Variants in KCNK9 observed in about 807,000 individuals in gnomAD.
KCNK9 encodes potassium two pore domain channel subfamily K member 9, also known as potassium channel subfamily K member 9.
A neutral mutation model predicts 10.8 loss-of-function variants in KCNK9; 1 was observed. The ratio of observed to expected loss-of-function variants is 0.09; its 90% CI spans 0.03 to 0.44. The LOEUF is 0.44. KCNK9 is among the 20% of genes least tolerant of loss of function. The pLI, the probability that KCNK9 is intolerant of heterozygous loss-of-function variation, is 0.97. For synonymous variants in KCNK9, 231 were observed against 222.7 expected (o/e 1.04, Z -0.33); for missense variants, 303 against 515.0 (o/e 0.59, Z 3.98).
chr8:139,650,925 G>A (rs544295246), intron 1 of KCNK9, among the ~76,000 whole-genome samples: 1 of 152,260 alleles, frequency 6.6e-6, no homozygotes, highest in South Asian at 2.1e-4. Flanking sequence ...ATGTGCCCGG[G>A]TGGCCTTCAG....
intron 1 of KCNK9, among the ~76,000 whole-genome samples, chr8:139,658,519 C>T (rs1816075081): frequency 1.3e-5 from 2 of 152,216 alleles, no homozygotes; most frequent in South Asian, 4.1e-4. Context: ...GTACCCTTTT[C>T]CTTTTCCGCA....
At chr8:139,631,761 T>C (rs1390662518) in intron 1 of KCNK9, among the ~76,000 whole-genome samples, 1 of 152,206 alleles carries the variant, frequency 6.6e-6, no homozygotes, top group African/African-American at 2.4e-5. Context: ...TTGAAAAGTC[T>C]ATGGTAGAAG....
chr8:139,670,856 G>T (rs7833765), intron 1 of KCNK9, among the ~76,000 whole-genome samples: 1 of 152,056 alleles, frequency 6.6e-6, no homozygotes, highest in Non-Finnish European at 1.5e-5. Flanking sequence ...TGGGTGGCCC[G>T]CCTCCCCAGC....
chr8:139,650,455 G>T (rs986696310), intron 1 of KCNK9, among the ~76,000 whole-genome samples: 1 of 150,956 alleles, frequency 6.6e-6, no homozygotes, highest in Non-Finnish European at 1.5e-5. Flanking sequence ...CTCAGGATGG[G>T]GGCAGGAGCT....
intron 1 of KCNK9, among the ~76,000 whole-genome samples, chr8:139,626,329 G>A (rs1814973514): frequency 6.6e-6 from 1 of 152,154 alleles, no homozygotes; most frequent in African/African-American, 2.4e-5. Flanking sequence ...ACAGAGCAGG[G>A]CCTTTACCTC....
At chr8:139,632,740 G>C (rs1454140593) in intron 1 of KCNK9, among the ~76,000 whole-genome samples, 1 of 152,202 alleles carries the variant, frequency 6.6e-6, no homozygotes, top group Non-Finnish European at 1.5e-5. Context: ...CCAGCTGTTA[G>C]GAGCCTGGGT....
rs1005545261 is a variant in KCNK9, at chr8:139,688,754, C to T, written c.283+13956G>A. 9.2e-5 allele frequency among the ~76,000 whole-genome samples: 14 copies of T among 152,274 alleles called. 1 individual carries two copies. The Middle Eastern group carries it at 0.01, about 111-fold the overall frequency. ...TGTTTGGACAACAAAGTCTTCTTGA[C>T]CATAGTAAGATAAACTCAGATTCAT... On this transcript the variant is annotated intron_variant, in intron 1 of 1. Transcript: ENST00000520439.
In KCNK9 at chr8:139,618,201, T is replaced by C. The variant is rs1814658696; in HGVS notation, c.*57A>G. The C allele has an allele frequency of 3.7e-6, 6 of 1,607,676 alleles. No homozygotes were observed. Among genetic ancestry groups the C allele is most frequent in the African/African-American group, 1.3e-5 (1 of 74,768 alleles). On this transcript the variant is annotated 3_prime_UTR_variant, in exon 2 of 2. Transcript: ENST00000520439. The surrounding 1 kb of genome is among the most constrained non-coding windows in gnomAD (Gnocchi z 7.9). ...AATAAGAAAAGACGAGTTGGACCAA[T>C]GGAAATTAACACCAACTATGACAAA... is the stretch of plus-strand genomic sequence containing the variant.
chr8:139,681,197 C>T (rs1005203404), intron 1 of KCNK9, among the ~76,000 whole-genome samples: 1 of 152,206 alleles, frequency 6.6e-6, no homozygotes, highest in African/African-American at 2.4e-5. Flanking sequence ...CATCATTCCA[C>T]CCATTTTACA....
rs112989154 is a variant in KCNK9 at position 139,693,396 on chromosome 8, G to T, written c.283+9314C>A. On this transcript the variant is annotated intron_variant, in intron 1 of 1. Transcript: ENST00000520439. The surrounding 1 kb of genome is among the most constrained non-coding windows in gnomAD (Gnocchi z 4.1). The stretch of plus-strand genomic sequence containing the variant: ...AGCAACAGCTTGAGTTCAAAAGGCT[G>T]CAGCCTGTCCTGCACCTACCCAGTG... Among the ~76,000 whole-genome samples the T allele has an allele frequency of 5.9e-3, 905 of 152,186 alleles. 3 individuals are homozygous for T. The highest frequency in any genetic ancestry group is 0.017 in the Middle Eastern group (5 of 294).
At position 139,618,723 on chromosome 8, in the gene KCNK9, G is replaced by A. The variant is rs111826894; in HGVS notation, c.660C>T (p.Tyr220=). The A allele has an allele frequency of 2.2e-5, 35 of 1,614,088 alleles. No individual in the cohort carries two copies. Among genetic ancestry groups the A allele is most frequent in the Middle Eastern group, 1.6e-4 (1 of 6,084 alleles). ...TKGALQKKPL[Y]VAFSFMYILV... ...GGATATACATAAAGCTAAAGGCCAC[G>A]TAGAGCGGCTTCTTCTGCAGGGCAC... Residue 220 remains tyrosine (Y), a synonymous_variant, in exon 2 of 2, where the codon TAC becomes TAT. Coordinates refer to ENST00000520439, the MANE Select transcript of KCNK9 (RefSeq NM_001282534.2). This position sits in a 1 kb window ranked among gnomAD's most constrained non-coding sequence, Gnocchi z 7.9.
chr8:139,688,841 T>C (rs936280375), intron 1 of KCNK9, among the ~76,000 whole-genome samples: 1 of 152,234 alleles, frequency 6.6e-6, no homozygotes, highest in Non-Finnish European at 1.5e-5. Flanking sequence ...GGCCCAGAAC[T>C]AGGTGCTTTC....
At chr8:139,619,150 G>C (rs755322298) in intron 1 of KCNK9, 51 bp from the exon 2 acceptor site, 2 of 1,606,308 alleles carry the variant, frequency 1.2e-6, no homozygotes, top group Non-Finnish European at 1.7e-6. Context: ...GAGGGGTCTA[G>C]AGGTTGGGGG....
chr8:139,687,686 A>C (rs1816849928), intron 1 of KCNK9, among the ~76,000 whole-genome samples: 1 of 140,418 alleles, frequency 7.1e-6, no homozygotes. Flanking sequence ...ATATATATTC[A>C]TATGTATACA....
chr8:139,702,920 C>T lies in KCNK9; in HGVS notation c.73G>A (p.Val25Met), dbSNP rs1389076513. Reference sequence around the variant, plus strand: ...TGGTCCGACTCGAGGGCGTCGAACACGGCGGCGCCCACCAGCAGGTAGGTG... The same window carrying T: ...TGGTCCGACTCGAGGGCGTCGAACATGGCGGCGCCCACCAGCAGGTAGGTG... ...TFTYLLVGAA[V>M]FDALESDHEM... The change falls in exon 1 of 2, where the codon GTG becomes ATG. Residue 25 changes from valine (V) to methionine (M), a missense_variant. This residue lies in a region of KCNK9 where 58 missense variants were observed against 102.4 expected (regional missense o/e 0.57). Transcript: ENST00000520439. This position sits in a 1 kb window ranked among gnomAD's most constrained non-coding sequence, Gnocchi z 7.5. The T allele has an allele frequency of 6.2e-7, 1 of 1,613,304 alleles. No homozygotes were observed. Among genetic ancestry groups the T allele is most frequent in the Admixed American group, 1.7e-5 (1 of 59,994 alleles).
chr8:139,636,189 T>C (rs890016524), intron 1 of KCNK9, among the ~76,000 whole-genome samples: 1 of 152,244 alleles, frequency 6.6e-6, no homozygotes, highest in Non-Finnish European at 1.5e-5. Context: ...CTTCTTCTCA[T>C]GTCATGCCCA....
intron 2 of KCNK9, among the ~76,000 whole-genome samples, chr8:139,606,417 T>C (rs1416036762): frequency 6.6e-6 from 1 of 151,924 alleles, no homozygotes; most frequent in Non-Finnish European, 1.5e-5. Flanking sequence ...AGATATCCGG[T>C]CAATGCACAT....
chr8:139,622,844 C>T (rs1200452484), intron 1 of KCNK9, among the ~76,000 whole-genome samples: 1 of 152,186 alleles, frequency 6.6e-6, no homozygotes, highest in Non-Finnish European at 1.5e-5. Flanking sequence ...AACACACATA[C>T]ATGGCATCTA....
At chr8:139,690,577 G>T (rs1816916108) in intron 1 of KCNK9, among the ~76,000 whole-genome samples, 1 of 152,036 alleles carries the variant, frequency 6.6e-6, no homozygotes. Flanking sequence ...ATCCTGAGAG[G>T]GTGGGACCAG....
Sources: gnomAD v4.1 joint callset for allele counts (sites outside exome capture counted in the v4.1 genomes callset) on GRCh38, gnomAD v4.1.1 for gene constraint, gnomAD v4.1.1 regional missense constraint, Gnocchi (gnomAD v3.1) non-coding constraint, MANE v1.5 for transcripts, NCBI Gene and HGNC (gene_info 2026-07-23, HGNC 2026-07-21) for gene names.